SLC16A2: variants seen among roughly 807,000 people sequenced by gnomAD.
The protein encoded by SLC16A2 is monocarboxylate transporter 8.
SLC16A2 carries 3 observed loss-of-function variants against 27.2 expected under a neutral mutation model. The observed-to-expected ratio is 0.11, with a 90% confidence interval of 0.05 to 0.28. SLC16A2 has a LOEUF of 0.28. Among genes scored for constraint, SLC16A2 ranks in the 10% least tolerant of loss-of-function variants. The pLI is 1.00. For synonymous variants in SLC16A2, 202 were observed against 187.8 expected (o/e 1.08, Z -0.62); for missense variants, 295 against 458.5 (o/e 0.64, Z 3.26).
intron 2 of SLC16A2, among the ~76,000 whole-genome samples, chrX:74,523,084 C>A (rs1358302745): frequency 8.9e-6 from 1 of 112,080 alleles, no homozygotes; most frequent in African/African-American, 3.3e-5. Context: ...AGGTCTAACA[C>A]AAGGCCCCTT....
chrX:74,427,361 C>A (rs1453657314), intron 1 of SLC16A2, among the ~76,000 whole-genome samples: 1 of 111,504 alleles, frequency 9.0e-6, no homozygotes, highest in East Asian at 2.8e-4. Context: ...TACTGTGATC[C>A]TGGAGAAGGC....
intron 1 of SLC16A2, among the ~76,000 whole-genome samples, chrX:74,471,679 A>C (rs1260221556): frequency 8.9e-6 from 1 of 111,798 alleles, no homozygotes; most frequent in Non-Finnish European, 1.9e-5. Context: ...TTATAATTTT[A>C]ACCATTTTAA....
At chrX:74,522,368 T>G (rs1277983556) in intron 2 of SLC16A2, among the ~76,000 whole-genome samples, 1 of 111,618 alleles carries the variant, frequency 9.0e-6, no homozygotes, top group African/African-American at 3.3e-5. Context: ...TGGCCTGCAG[T>G]CATTTCTTGG....
At chrX:74,476,691 C>T (rs1472378185) in intron 1 of SLC16A2, among the ~76,000 whole-genome samples, 10 of 111,868 alleles carry the variant, frequency 8.9e-5, no homozygotes, top group African/African-American at 2.3e-4. Flanking sequence ...GCATGAAGGG[C>T]TGTTGAATTT....
intron 1 of SLC16A2, among the ~76,000 whole-genome samples, chrX:74,427,781 GCAAGCGCATGCGCACGCGTGCA>G (rs1461781431): frequency 5.9e-5 from 6 of 101,938 alleles, no homozygotes; most frequent in East Asian, 7.4e-4. Flanking sequence ...ACACATGTGC[GCAAGCGCATGCGCACGCGTGCA>G]CGCGCGCGCA....
intron 1 of SLC16A2, among the ~76,000 whole-genome samples, chrX:74,496,251 A>AACAC (rs768625772): frequency 1.6e-4 from 10 of 64,155 alleles, no homozygotes; most frequent in South Asian, 6.4e-4. Context: ...GAAGACAGAA[A>AACAC]ACACACACAC....
At chrX:74,476,353 C>T (rs1365867477) in intron 1 of SLC16A2, among the ~76,000 whole-genome samples, 1 of 112,125 alleles carries the variant, frequency 8.9e-6, no homozygotes, top group African/African-American at 3.2e-5. Context: ...GCTGAAGTTG[C>T]TTATGAGCTT....
intron 1 of SLC16A2, among the ~76,000 whole-genome samples, chrX:74,431,145 C>T (rs1206483516): frequency 8.9e-6 from 1 of 112,617 alleles, no homozygotes; most frequent in African/African-American, 3.2e-5. Context: ...ATCATTCTAC[C>T]AAAAATGACA....
intron 1 of SLC16A2, among the ~76,000 whole-genome samples, chrX:74,443,098 G>T (rs1166172640): frequency 8.9e-6 from 1 of 111,936 alleles, no homozygotes; most frequent in Admixed American, 9.5e-5. Context: ...ATGCTAAAAT[G>T]TTTCCATGGG....
intron 1 of SLC16A2, among the ~76,000 whole-genome samples, chrX:74,472,381 T>C (rs1160591836): frequency 8.9e-6 from 1 of 111,810 alleles, no homozygotes; most frequent in Admixed American, 9.6e-5. Context: ...ATATATGGTG[T>C]CATGTAGGAA....
chrX:74,494,485 T>C (rs1602131134), intron 1 of SLC16A2, among the ~76,000 whole-genome samples: 1 of 111,883 alleles, frequency 8.9e-6, no homozygotes, highest in East Asian at 2.8e-4. Flanking sequence ...AATCATTCCA[T>C]AATATCGTCA....
rs759801190 is a variant in SLC16A2, at chrX:74,444,065, C to G, written c.430+21998C>G. On this transcript the variant is annotated intron_variant, in intron 1 of 5. Coordinates refer to ENST00000587091, the MANE Select transcript of SLC16A2 (RefSeq NM_006517.5). ...AGGCTGGCTCCAGCAGAGCACTGCT[C>G]AGGGTCTGGAATAAGCTAAGTTGCT... Among the ~76,000 whole-genome samples the G allele has an allele frequency of 1.2e-4, 13 of 111,502 alleles. No individual in the cohort carries two copies. The South Asian group carries it at 4.9e-3, about 42-fold the overall frequency.
intron 1 of SLC16A2, among the ~76,000 whole-genome samples, chrX:74,475,931 C>T (rs191082683): frequency 0.093 from 10,308 of 110,899 alleles, 414 homozygotes; most frequent in Admixed American, 0.13. Flanking sequence ...TCCAGCTTTG[C>T]TCTTTTGGCT....
At chrX:74,525,989 C>A in intron 4 of SLC16A2, 96 bp downstream of exon 4, 1 of 1,001,674 alleles carries the variant, frequency 1.0e-6, no homozygotes, top group Non-Finnish European at 1.4e-6. Context: ...CTTGTTGTGT[C>A]GCATGGGAAA....
At chrX:74,429,750 G>C (rs779977859) in intron 1 of SLC16A2, among the ~76,000 whole-genome samples, 1 of 112,044 alleles carries the variant, frequency 8.9e-6, no homozygotes, top group South Asian at 3.8e-4. Flanking sequence ...GGTTAGCACA[G>C]TTACTTAGAA....
chrX:74,489,197 T>C (rs1457555519), intron 1 of SLC16A2, among the ~76,000 whole-genome samples: 1 of 112,055 alleles, frequency 8.9e-6, no homozygotes, highest in Non-Finnish European at 1.9e-5. Context: ...TGTTAACCAT[T>C]TTGATGGCTT....
chrX:74,478,388 A>C (rs908633306), intron 1 of SLC16A2, among the ~76,000 whole-genome samples: 1 of 111,522 alleles, frequency 9.0e-6, no homozygotes, highest in African/African-American at 3.3e-5. Context: ...GTGTCTCTGC[A>C]CATGAGATGG....
intron 1 of SLC16A2, among the ~76,000 whole-genome samples, chrX:74,443,038 C>A (rs1390935600): frequency 1.8e-5 from 2 of 111,856 alleles, no homozygotes; most frequent in African/African-American, 6.5e-5. Context: ...TCAGTCTTAA[C>A]TCTGCTTGAC....
intron 1 of SLC16A2, among the ~76,000 whole-genome samples, chrX:74,432,759 G>A (rs974637994): frequency 1.8e-5 from 2 of 111,757 alleles, no homozygotes; most frequent in Admixed American, 9.5e-5. Flanking sequence ...GGGAATAAGC[G>A]GTAGGCTGCT....
Sources: gnomAD v4.1 joint callset for allele counts (sites outside exome capture counted in the v4.1 genomes callset) on GRCh38, gnomAD v4.1.1 for gene constraint, MANE v1.5 for transcripts, NCBI Gene and HGNC (gene_info 2026-07-23, HGNC 2026-07-21) for gene names.